ZCCHC7: variants seen among roughly 807,000 people sequenced by gnomAD.
The protein encoded by ZCCHC7 is zinc finger CCHC-type containing 7.
ZCCHC7 carries 35 observed loss-of-function variants against 52.0 expected under a neutral mutation model. That is an observed-to-expected ratio of 0.67 (90% CI 0.51 to 0.89). The LOEUF is 0.89. Among genes scored for constraint, ZCCHC7 ranks in the 40% least tolerant of loss-of-function variants. ZCCHC7 has a pLI of 0.00. For synonymous variants in ZCCHC7, 217 were observed against 221.5 expected, an observed-to-expected ratio of 0.98 and a Z score of 0.18; for missense variants, 574 against 649.1, an observed-to-expected ratio of 0.88 and a Z score of 1.26.
chr9:37,331,378 A>G (rs1830442764), intron 6 of ZCCHC7, among the ~76,000 whole-genome samples: 1 of 151,612 alleles, frequency 6.6e-6, no homozygotes, highest in African/African-American at 2.4e-5. Flanking sequence ...CTTACCTGGA[A>G]ATACCCATTT....
chr9:37,285,935 T>C (rs979749323), intron 2 of ZCCHC7, among the ~76,000 whole-genome samples: 3 of 152,176 alleles, frequency 2.0e-5, no homozygotes, highest in Non-Finnish European at 4.4e-5. Flanking sequence ...GGGGCATTAT[T>C]TTTGTAAAAT....
At chr9:37,135,142 T>G (rs1842946259) in intron 2 of ZCCHC7, among the ~76,000 whole-genome samples, 1 of 152,216 alleles carries the variant, frequency 6.6e-6, no homozygotes, top group Non-Finnish European at 1.5e-5. Context: ...ATTTAATATT[T>G]CTTATTTCTA....
At chr9:37,199,887 G>A (rs1050703902) in intron 2 of ZCCHC7, among the ~76,000 whole-genome samples, 1 of 146,890 alleles carries the variant, frequency 6.8e-6, no homozygotes, top group African/African-American at 2.5e-5. Flanking sequence ...TGTATTTTTA[G>A]TAGAGACGGG....
At chr9:37,301,029 A>G (rs2133689913) in intron 2 of ZCCHC7, among the ~76,000 whole-genome samples, 1 of 152,336 alleles carries the variant, frequency 6.6e-6, no homozygotes, top group Admixed American at 6.5e-5. Flanking sequence ...ATGTTATAAA[A>G]TACAGTGCTA....
At chr9:37,296,760 G>A (rs1828801179) in intron 2 of ZCCHC7, among the ~76,000 whole-genome samples, 1 of 152,208 alleles carries the variant, frequency 6.6e-6, no homozygotes, top group South Asian at 2.1e-4. Context: ...CTGGCACGCA[G>A]TGGCGGCAGT....
intron 2 of ZCCHC7, among the ~76,000 whole-genome samples, chr9:37,137,347 A>G (rs544669989): frequency 1.3e-5 from 2 of 152,368 alleles, no homozygotes; most frequent in Non-Finnish European, 1.5e-5. Flanking sequence ...AAAAATGGGT[A>G]GGACTTGAAG....
chr9:37,272,384 A>G (rs1043948876), intron 2 of ZCCHC7, among the ~76,000 whole-genome samples: 1 of 151,800 alleles, frequency 6.6e-6, no homozygotes, highest in Non-Finnish European at 1.5e-5. Context: ...GGGAATTGGT[A>G]TAAAATACAT....
intron 6 of ZCCHC7, among the ~76,000 whole-genome samples, chr9:37,348,799 C>T (rs890610762): frequency 6.6e-6 from 1 of 152,162 alleles, no homozygotes; most frequent in East Asian, 1.9e-4. Flanking sequence ...CATTTACACC[C>T]GGCTATGTAT....
At chr9:37,229,819 CTT>C (rs928316913) in intron 2 of ZCCHC7, among the ~76,000 whole-genome samples, 12 of 152,132 alleles carry the variant, frequency 7.9e-5, no homozygotes, top group Admixed American at 1.3e-4. Flanking sequence ...ACTTTTTAAA[CTT>C]TTTGATTCCT....
intron 2 of ZCCHC7, among the ~76,000 whole-genome samples, chr9:37,167,414 A>G (rs1046000582): frequency 6.6e-6 from 1 of 151,814 alleles, no homozygotes; most frequent in Non-Finnish European, 1.5e-5. Flanking sequence ...CTAAAGTTTT[A>G]TTTTGGTCTT....
intron 5 of ZCCHC7, 129 bp from the exon 6 acceptor site, chr9:37,327,670 C>T: frequency 1.1e-6 from 1 of 902,438 alleles, no homozygotes. Flanking sequence ...AGCTGAAATG[C>T]AGACCCTTTC....
intron 2 of ZCCHC7, among the ~76,000 whole-genome samples, chr9:37,254,722 G>A (rs1164680628): frequency 1.3e-5 from 2 of 151,804 alleles, no homozygotes; most frequent in African/African-American, 4.8e-5. Flanking sequence ...CAAAATGCTT[G>A]GGACCAGAAA....
At chr9:37,189,363 G>C (rs1192805620) in intron 2 of ZCCHC7, among the ~76,000 whole-genome samples, 1 of 151,984 alleles carries the variant, frequency 6.6e-6, no homozygotes, top group Non-Finnish European at 1.5e-5. Context: ...CTTTTGTCTT[G>C]GTTTAATGCT....
chr9:37,132,235 A>G (rs1220269328), intron 2 of ZCCHC7, among the ~76,000 whole-genome samples: 1 of 152,178 alleles, frequency 6.6e-6, no homozygotes, highest in Non-Finnish European at 1.5e-5. Context: ...AAGGATTGTT[A>G]TGTAAGACAA....
chr9:37,339,801 A>G (rs1014744257), intron 6 of ZCCHC7, among the ~76,000 whole-genome samples: 30 of 152,198 alleles, frequency 2.0e-4, no homozygotes, highest in African/African-American at 7.2e-4. Flanking sequence ...GCATTCACAG[A>G]ATAGAAAATA....
intron 2 of ZCCHC7, among the ~76,000 whole-genome samples, chr9:37,195,434 T>A (rs1215620396): frequency 6.6e-6 from 1 of 152,212 alleles, no homozygotes; most frequent in African/African-American, 2.4e-5. Flanking sequence ...CCTTTAGATA[T>A]ATGAAAAATG....
At chr9:37,253,948 TCA>T (rs1826452698) in intron 2 of ZCCHC7, among the ~76,000 whole-genome samples, 1 of 152,016 alleles carries the variant, frequency 6.6e-6, no homozygotes, top group Non-Finnish European at 1.5e-5. Context: ...TAAACTAATT[TCA>T]GTTTTGCCAG....
At chr9:37,319,875 T>C (rs184566862) in intron 5 of ZCCHC7, among the ~76,000 whole-genome samples, 53 of 152,350 alleles carry the variant, frequency 3.5e-4, no homozygotes, top group African/African-American at 1.3e-3. Context: ...CTAACACCAT[T>C]TGTCGAAAAG....
At chr9:37,336,688 G>A (rs1302302759) in intron 6 of ZCCHC7, among the ~76,000 whole-genome samples, 2 of 152,072 alleles carry the variant, frequency 1.3e-5, no homozygotes, top group South Asian at 2.1e-4. Flanking sequence ...AATATGTTAA[G>A]CATTTTGTAT....
Sources: allele counts gnomAD v4.1 joint callset (sites outside exome capture counted in the v4.1 genomes callset), GRCh38; gene constraint gnomAD v4.1.1; transcripts MANE v1.5; gene names NCBI Gene and HGNC (gene_info 2026-07-23, HGNC 2026-07-21).